Variants in MACROD2 observed in about 807,000 individuals in gnomAD.
The protein encoded by MACROD2 is ADP-ribose glycohydrolase MACROD2.
In MACROD2, 36 loss-of-function variants were observed where a neutral mutation model predicts 70.4. The observed-to-expected ratio is 0.51, with a 90% CI of 0.39 to 0.68. MACROD2 has a LOEUF of 0.68. Ranked by LOEUF, MACROD2 falls within the 30% of genes least tolerant of loss-of-function variation. The probability of loss-of-function intolerance (pLI) is 0.00; values close to 1 mark genes in which losing one functional copy is unlikely to be tolerated. For synonymous variants in MACROD2, 172 were observed against 178.8 expected, an observed-to-expected ratio of 0.96 and a Z score of 0.30; for missense variants, 496 against 538.4, an observed-to-expected ratio of 0.92 and a Z score of 0.78.
chr20:14,018,498 A>G (rs192368758), intron 2 of MACROD2, among the ~76,000 whole-genome samples: 30 of 151,324 alleles, frequency 2.0e-4, no homozygotes, highest in Admixed American at 9.9e-4. Flanking sequence ...TCCTTTCCCC[A>G]TTTTTCAGGA....
At chr20:14,617,810 G>A (rs1983567645) in intron 4 of MACROD2, among the ~76,000 whole-genome samples, 1 of 152,108 alleles carries the variant, frequency 6.6e-6, no homozygotes, top group South Asian at 2.1e-4. Context: ...AGCCCTTATA[G>A]ATGATGTTAG....
rs775171348 is a variant in MACROD2 at position 14,989,665 on chromosome 20, A to G, written c.419-240275A>G. ...TTTTGCACTAAATATGGATGTTTCT[A>G]GAACTGTCATAGCGCTGGTGGGTGT... On this transcript the variant is annotated intron_variant, in intron 5 of 17. Coordinates refer to ENST00000684519, the MANE Select transcript of MACROD2 (RefSeq NM_001351661.2). Among the ~76,000 whole-genome samples, 101 of 152,148 alleles carry G rather than the reference A, an allele frequency of 6.6e-4. 1 individual carries two copies. The highest frequency in any genetic ancestry group is 1.8e-4 in the Non-Finnish European group (12 of 68,026).
chr20:14,921,645 C>T (rs1443595367), intron 5 of MACROD2, among the ~76,000 whole-genome samples: 10 of 152,168 alleles, frequency 6.6e-5, no homozygotes, highest in African/African-American at 2.2e-4. Flanking sequence ...TTGCAAATGG[C>T]AGCATAAATA....
At chr20:15,138,346 T>C (rs76675702) in intron 5 of MACROD2, among the ~76,000 whole-genome samples, 1 of 152,158 alleles carries the variant, frequency 6.6e-6, no homozygotes, top group Non-Finnish European at 1.5e-5. Context: ...GCATGAATGA[T>C]TTTTTCATAG....
At chr20:15,182,971 C>T (rs938159840) in intron 5 of MACROD2, among the ~76,000 whole-genome samples, 2 of 152,148 alleles carry the variant, frequency 1.3e-5, no homozygotes, top group Non-Finnish European at 2.9e-5. Flanking sequence ...CAGTCAGAAG[C>T]TTTACTTGGT....
At chr20:14,389,346 C>T (rs544411661) in intron 3 of MACROD2, among the ~76,000 whole-genome samples, 1 of 148,092 alleles carries the variant, frequency 6.8e-6, no homozygotes, top group East Asian at 2.1e-4. Flanking sequence ...CGCTTGAACC[C>T]GGCAGGCGGA....
At chr20:14,286,690 T>A (rs1158468857) in intron 3 of MACROD2, among the ~76,000 whole-genome samples, 8 of 152,182 alleles carry the variant, frequency 5.3e-5, no homozygotes, top group Non-Finnish European at 1.2e-4. Context: ...GATGTTAATT[T>A]GCTTTAACAC....
Position 14,912,218 on chromosome 20 carries a change from T to G in MACROD2, c.418+227259T>G, listed in dbSNP as rs545091302. Among the ~76,000 whole-genome samples, 562 of 152,298 alleles carry G rather than the reference T, an allele frequency of 3.7e-3. 4 individuals are homozygous for G. Among genetic ancestry groups the G allele is most frequent in the Non-Finnish European group, 6.7e-3 (454 of 68,018 alleles). On this transcript the variant is annotated intron_variant, in intron 5 of 17. Transcript: ENST00000684519. ...CAGCTTTCTGCCGTTATCTCTAGCT[T>G]TGACTCATTGTCACCTGTGAGGCTA... is the stretch of plus-strand genomic sequence containing the variant.
chr20:15,630,157 G>T (rs568148888), intron 8 of MACROD2, among the ~76,000 whole-genome samples: 1 of 152,180 alleles, frequency 6.6e-6, no homozygotes, highest in Non-Finnish European at 1.5e-5. Flanking sequence ...GAAAGTAACT[G>T]AGTTAGTGTA....
chr20:14,138,882 A>G (rs976114739), intron 3 of MACROD2, among the ~76,000 whole-genome samples: 2 of 152,044 alleles, frequency 1.3e-5, no homozygotes, highest in African/African-American at 2.4e-5. Flanking sequence ...ATATATCTAA[A>G]CATTTGGTAC....
chr20:15,183,068 T>A (rs1177001485), intron 5 of MACROD2, among the ~76,000 whole-genome samples: 1 of 152,228 alleles, frequency 6.6e-6, no homozygotes, highest in African/African-American at 2.4e-5. Flanking sequence ...ATAGAGGTAT[T>A]TGGTTGCATT....
intron 5 of MACROD2, among the ~76,000 whole-genome samples, chr20:15,062,461 T>G (rs1209841251): frequency 6.6e-6 from 1 of 151,764 alleles, no homozygotes. Context: ...CCAAACCGCC[T>G]CCATTTCCCA....
chr20:14,478,646 C>G (rs943915505), intron 3 of MACROD2, among the ~76,000 whole-genome samples: 1 of 152,058 alleles, frequency 6.6e-6, no homozygotes, highest in African/African-American at 2.4e-5. Context: ...GGCCTACTCT[C>G]TTTCTCAACT....
At chr20:14,525,379 G>A (rs548234111) in intron 4 of MACROD2, among the ~76,000 whole-genome samples, 13 of 152,336 alleles carry the variant, frequency 8.5e-5, no homozygotes, top group Non-Finnish European at 1.5e-5. Flanking sequence ...GATCACTAAT[G>A]TTTATTAAGC....
At chr20:14,080,503 CA>C (rs1304558044) in intron 2 of MACROD2, among the ~76,000 whole-genome samples, 1 of 106,734 alleles carries the variant, frequency 9.4e-6, no homozygotes. Context: ...TCCAGTAAAA[CA>C]AACTCAAAAA....
intron 3 of MACROD2, among the ~76,000 whole-genome samples, chr20:14,174,965 G>C (rs1291450967): frequency 6.6e-6 from 1 of 152,162 alleles, no homozygotes; most frequent in African/African-American, 2.4e-5. Flanking sequence ...TCCTCAGTGA[G>C]AGTGTGTGTT....
chr20:16,035,124 A>T (rs1427041530), intron 15 of MACROD2, among the ~76,000 whole-genome samples: 19 of 11,762 alleles, frequency 1.6e-3, no homozygotes, highest in East Asian at 0.013. Context: ...ATATAATATA[A>T]AATATTATAT....
chr20:14,353,073 A>G (rs2076621141), intron 3 of MACROD2, among the ~76,000 whole-genome samples: 1 of 152,128 alleles, frequency 6.6e-6, no homozygotes, highest in African/African-American at 2.4e-5. Flanking sequence ...AAAAATTCAA[A>G]TTATGAGTGG....
At chr20:15,006,801 G>A (rs939534070) in intron 5 of MACROD2, among the ~76,000 whole-genome samples, 4 of 152,022 alleles carry the variant, frequency 2.6e-5, no homozygotes, top group East Asian at 3.9e-4. Flanking sequence ...CACTGCTCTC[G>A]GGCTGGCTGC....
Sources: gnomAD v4.1 joint callset for allele counts (sites outside exome capture counted in the v4.1 genomes callset) on GRCh38, gnomAD v4.1.1 for gene constraint, MANE v1.5 for transcripts, NCBI Gene and HGNC (gene_info 2026-07-23, HGNC 2026-07-21) for gene names.